Variants in SFMBT1 observed in about 807,000 individuals in gnomAD.
SFMBT1 encodes the protein scm-like with four MBT domains protein 1.
SFMBT1 carries 32 observed loss-of-function variants against 108.7 expected under a neutral mutation model. The observed-to-expected ratio is 0.29, with a 90% CI of 0.22 to 0.40. The LOEUF is 0.40. Ranked by LOEUF, SFMBT1 falls within the 10% of genes least tolerant of loss-of-function variation. The pLI, the probability that SFMBT1 is intolerant of heterozygous loss-of-function variation, is 1.00. For missense variants in SFMBT1, 816 were observed against 1,059.6 expected (o/e 0.77, Z 3.19); for synonymous variants, 348 against 369.5 (o/e 0.94, Z 0.67).
At chr3:52,967,539 T>C (rs1385218353) in intron 2 of SFMBT1, among the ~76,000 whole-genome samples, 1 of 152,030 alleles carries the variant, frequency 6.6e-6, no homozygotes, top group Non-Finnish European at 1.5e-5. Flanking sequence ...TCTAAAAGGG[T>C]TGATTTTATG....
intron 2 of SFMBT1, among the ~76,000 whole-genome samples, 164 bp from the exon 3 acceptor site, chr3:52,954,575 A>G (rs906920333): frequency 6.6e-6 from 1 of 152,204 alleles, no homozygotes; most frequent in African/African-American, 2.4e-5. Context: ...TGTTTTTTAA[A>G]TGATAGGTGC....
chr3:52,905,035 GGCCCCAGA>G lies in SFMBT1; in HGVS notation c.*93_*100del. 6 of 1,480,068 alleles carry G rather than the reference GGCCCCAGA, an allele frequency of 4.1e-6. No individual in the cohort carries two copies. The highest frequency in any genetic ancestry group is 5.4e-6 in the Non-Finnish European group (6 of 1,101,648). 91.7% of individuals were successfully genotyped at this position (1,480,068 alleles called of 1,614,324 possible). ...CAAAGAGAGCAAGCTGATACCTGCAGGCCCCAGAGCCCCAGGACTATTCCAGCTCCACT... is the reference window on the plus strand; with the variant it reads ...CAAAGAGAGCAAGCTGATACCTGCAGGCCCCAGGACTATTCCAGCTCCACT... On this transcript the variant is annotated 3_prime_UTR_variant, in exon 21 of 21. Transcript: ENST00000394752.
chr3:52,923,904 C>A (rs947442288), intron 10 of SFMBT1, among the ~76,000 whole-genome samples: 3 of 151,970 alleles, frequency 2.0e-5, no homozygotes, highest in African/African-American at 7.3e-5. Flanking sequence ...CCTAGCACAG[C>A]GGATGAAAAC....
chr3:52,941,285 T>A lies in SFMBT1; in HGVS notation c.364+2068A>T, dbSNP rs1454860666. Among the ~76,000 whole-genome samples, 3 of 152,082 alleles carry A rather than the reference T, an allele frequency of 2.0e-5. No individual in the cohort carries two copies. In the East Asian group the frequency reaches 5.8e-4, roughly 29 times the overall value. ...ACTGAATGTAACACATGATCTGGGA[T>A]TTTTCTTTAATTAAAAAAGAGTTAT... is the stretch of plus-strand genomic sequence containing the variant. On this transcript the variant is annotated intron_variant, in intron 4 of 20. Coordinates refer to ENST00000394752, the MANE Select transcript of SFMBT1 (RefSeq NM_016329.4).
chr3:52,919,773 G>C (rs550749003), intron 12 of SFMBT1, among the ~76,000 whole-genome samples: 1 of 152,184 alleles, frequency 6.6e-6, no homozygotes, highest in African/African-American at 2.4e-5. Flanking sequence ...ACATGGCAAC[G>C]AACTAAAGGA....
chr3:52,929,988 T>C (rs975116709), intron 8 of SFMBT1, among the ~76,000 whole-genome samples: 3 of 152,208 alleles, frequency 2.0e-5, no homozygotes, highest in African/African-American at 7.2e-5. Context: ...TGGTTAGACG[T>C]TGATGAGACT....
intron 1 of SFMBT1, among the ~76,000 whole-genome samples, chr3:53,012,881 T>C (rs1315157026): frequency 6.6e-6 from 1 of 151,672 alleles, no homozygotes. Flanking sequence ...AGTTCAGCTA[T>C]AAATATAACA....
At chr3:52,960,205 T>C (rs1703913983) in intron 2 of SFMBT1, among the ~76,000 whole-genome samples, 1 of 151,926 alleles carries the variant, frequency 6.6e-6, no homozygotes, top group Non-Finnish European at 1.5e-5. Context: ...AACTTTGCAG[T>C]GTAATGTTTA....
intron 1 of SFMBT1, among the ~76,000 whole-genome samples, chr3:53,032,991 G>A (rs957349924): frequency 2.0e-5 from 3 of 152,036 alleles, no homozygotes; most frequent in African/African-American, 7.3e-5. Context: ...AAAATTTGGG[G>A]CCTACCAAAG....
chr3:52,926,198 C>T (rs1373545245), intron 9 of SFMBT1, 85 bp from the exon 10 acceptor site: 1 of 1,169,422 alleles, frequency 8.6e-7, no homozygotes, highest in East Asian at 2.6e-5. Flanking sequence ...GGTCCACTCA[C>T]AACTTCCAGT....
intron 1 of SFMBT1, among the ~76,000 whole-genome samples, chr3:52,991,339 C>CT (rs1321070989): frequency 8.0e-5 from 5 of 62,628 alleles, no homozygotes; most frequent in Non-Finnish European, 2.1e-4. Flanking sequence ...CATGCTGAAA[C>CT]TTCTTTTTTT....
chr3:53,005,199 AG>A (rs1698697252), intron 1 of SFMBT1, among the ~76,000 whole-genome samples: 1 of 152,242 alleles, frequency 6.6e-6, no homozygotes, highest in South Asian at 2.1e-4. Context: ...ATGTCATGCC[AG>A]TTGGAAAAAC....
intron 1 of SFMBT1, among the ~76,000 whole-genome samples, chr3:53,022,818 AAG>A (rs1315070988): frequency 6.6e-6 from 1 of 152,194 alleles, no homozygotes; most frequent in African/African-American, 2.4e-5. Context: ...ACAAGATGAA[AAG>A]AGTGATGGAG....
At chr3:53,035,991 G>A (rs1452089441) in intron 1 of SFMBT1, among the ~76,000 whole-genome samples, 1 of 152,214 alleles carries the variant, frequency 6.6e-6, no homozygotes, top group Non-Finnish European at 1.5e-5. Context: ...TTTCCAAGGT[G>A]TCTTTCCTTT....
At position 52,943,460 on chromosome 3, in the gene SFMBT1, C is replaced by A; in HGVS notation, c.257G>T (p.Gly86Val). ...ATCTGCTCTCCGATCCTCCCCATAG[C>A]CATCATAGCGGAGAAGGAGCAACTG... The part of the protein sequence containing the change: ...CEQLLLLRYD[G>V]YGEDRRADFW... The change falls in exon 4 of 21, where the codon GGC becomes GTC. Residue 86 changes from glycine (G) to valine (V), a missense_variant. Gly to Val is a moderately radical substitution (Grantham distance 109). This residue lies in a region of SFMBT1 where 495 missense variants were observed against 607.4 expected (regional missense o/e 0.81). Transcript: ENST00000394752. 1 of 1,614,168 alleles carries A rather than the reference C, an allele frequency of 6.2e-7. No homozygotes were observed.
intron 17 of SFMBT1, among the ~76,000 whole-genome samples, chr3:52,909,632 T>C (rs1452711863): frequency 6.6e-6 from 1 of 152,202 alleles, no homozygotes; most frequent in Non-Finnish European, 1.5e-5. Context: ...CTGCATGCAC[T>C]ATAGTTTAAG....
intron 3 of SFMBT1, among the ~76,000 whole-genome samples, chr3:52,952,016 T>C (rs1343533060): frequency 6.6e-6 from 1 of 152,118 alleles, no homozygotes; most frequent in Non-Finnish European, 1.5e-5. Context: ...CAAAGAATAA[T>C]CAAAAAGGGC....
intron 1 of SFMBT1, among the ~76,000 whole-genome samples, chr3:53,043,922 G>T (rs1700131727): frequency 6.6e-6 from 1 of 152,216 alleles, no homozygotes; most frequent in Non-Finnish European, 1.5e-5. Context: ...TGTGGTGACA[G>T]AAGTCAGAAT....
intron 2 of SFMBT1, among the ~76,000 whole-genome samples, chr3:52,957,110 G>T (rs1411588778): frequency 6.6e-6 from 1 of 152,144 alleles, no homozygotes; most frequent in Non-Finnish European, 1.5e-5. Flanking sequence ...AAGCTGAGAA[G>T]TAACTTCCGC....
Sources: allele counts gnomAD v4.1 joint callset (sites outside exome capture counted in the v4.1 genomes callset), GRCh38; gene constraint gnomAD v4.1.1; regional missense constraint gnomAD v4.1.1; transcripts MANE v1.5; gene names NCBI Gene and HGNC (gene_info 2026-07-23, HGNC 2026-07-21).